Variants in MTMR12 observed in about 807,000 individuals in gnomAD.
The protein encoded by MTMR12 is myotubularin-related protein 12.
MTMR12 carries 33 observed loss-of-function variants against 96.7 expected under a neutral mutation model. The ratio of observed to expected loss-of-function variants is 0.34; its 90% CI spans 0.26 to 0.46. The LOEUF (loss-of-function observed/expected upper bound fraction) is 0.46, where lower values mean the gene tolerates loss of function less well. Among genes scored for constraint, MTMR12 ranks in the 20% least tolerant of loss-of-function variants. The pLI, the probability that MTMR12 is intolerant of heterozygous loss-of-function variation, is 1.00. For missense variants in MTMR12, 721 were observed against 896.1 expected (o/e 0.80, Z 2.49); for synonymous variants, 298 against 327.2 (o/e 0.91, Z 0.96).
chr5:32,246,431 G>C (rs1216630069), intron 10 of MTMR12, among the ~76,000 whole-genome samples: 2 of 152,134 alleles, frequency 1.3e-5, no homozygotes, highest in African/African-American at 4.8e-5. Context: ...CAAAGTGCTG[G>C]ATTACAGGCA....
chr5:32,228,381 T>C lies in MTMR12; in HGVS notation c.*1397A>G, dbSNP rs1747812213. The stretch of plus-strand genomic sequence containing the variant: ...TGGGATCCATACTGAAGAGCAAATA[T>C]ATGTAAAAGGCGAACATTCAATTTA... On this transcript the variant is annotated 3_prime_UTR_variant, in exon 16 of 16. Coordinates refer to ENST00000382142, the MANE Select transcript of MTMR12 (RefSeq NM_001040446.3). 1 of 151,898 alleles carries C rather than the reference T, an allele frequency of 6.6e-6. No individual in the cohort carries two copies. The highest frequency in any genetic ancestry group is 1.5e-5 in the Non-Finnish European group (1 of 68,002). 9.4% of individuals were successfully genotyped at this position (151,898 alleles called of 1,614,324 possible).
intron 13 of MTMR12, among the ~76,000 whole-genome samples, chr5:32,238,217 T>C (rs887499522): frequency 3.3e-5 from 5 of 151,760 alleles, no homozygotes; most frequent in Admixed American, 3.3e-4. Flanking sequence ...TAAAACTTTA[T>C]TTATTTTGAG....
At chr5:32,263,373 T>A in intron 6 of MTMR12, 131 bp from the exon 7 acceptor site, 13 of 1,074,394 alleles carry the variant, frequency 1.2e-5, no homozygotes, top group Non-Finnish European at 1.7e-5. Context: ...AATGAATTGA[T>A]TGCTTAATCC....
chr5:32,233,739 A>G lies in MTMR12; in HGVS notation c.1674+34T>C. 6.2e-7 allele frequency: 1 copy of G among 1,613,996 alleles called. No individual in the cohort carries two copies. The highest frequency in any genetic ancestry group is 8.5e-7 in the Non-Finnish European group (1 of 1,179,862). Reference sequence around the variant, plus strand: ...ATCATTACATGCACGGGGTCTGGGCAGCTGAAGGGGGTTTAGACATGTGGA... The same window carrying G: ...ATCATTACATGCACGGGGTCTGGGCGGCTGAAGGGGGTTTAGACATGTGGA... On this transcript the variant is annotated intron_variant, in intron 15 of 15. Coordinates refer to ENST00000382142, the MANE Select transcript of MTMR12 (RefSeq NM_001040446.3). The surrounding 1 kb of genome is among the most constrained non-coding windows in gnomAD (Gnocchi z 5.0).
At chr5:32,234,804 C>T in intron 14 of MTMR12, 158 bp downstream of exon 14, 1 of 604,388 alleles carries the variant, frequency 1.7e-6, no homozygotes, top group Non-Finnish European at 2.8e-6. Context: ...ATGTCATCCT[C>T]TCGCAGGGGC....
At chr5:32,278,748 T>C (rs1486335719) in intron 1 of MTMR12, among the ~76,000 whole-genome samples, 1 of 152,152 alleles carries the variant, frequency 6.6e-6, no homozygotes, top group Non-Finnish European at 1.5e-5. Context: ...AGAGGAACTA[T>C]TCCTGCATGT....
intron 1 of MTMR12, among the ~76,000 whole-genome samples, chr5:32,293,933 C>T (rs1750830434): frequency 6.6e-6 from 1 of 152,232 alleles, no homozygotes; most frequent in Admixed American, 6.5e-5. Context: ...ATCCAGCTGG[C>T]CACACCAGAA....
intron 7 of MTMR12, among the ~76,000 whole-genome samples, chr5:32,258,748 A>C (rs1210356926): frequency 6.6e-6 from 1 of 152,128 alleles, no homozygotes; most frequent in Non-Finnish European, 1.5e-5. Flanking sequence ...CAGTTGTTTA[A>C]ACCAGATCCT....
At position 32,233,908 on chromosome 5, in the gene MTMR12, G is replaced by C; in HGVS notation, c.1539C>G (p.Ser513Arg). 6.2e-7 allele frequency: 1 copy of C among 1,614,172 alleles called. No homozygotes were observed. ...ACACGGTGAGCAGATTCAAAGGCTTGCTTTGTGTATCCTGGCCTTCTCTAC... is the reference window on the plus strand; with the variant it reads ...ACACGGTGAGCAGATTCAAAGGCTTCCTTTGTGTATCCTGGCCTTCTCTAC... ...NMGREGQDTQ[S>R]KPLNLLTVWD... The change falls in exon 15 of 16, where the codon AGC (serine) becomes AGG (arginine). Residue 513 changes from serine to arginine, a missense_variant. By Grantham distance (110) the Ser-to-Arg change is moderately radical. Transcript: ENST00000382142. This position sits in a 1 kb window ranked among gnomAD's most constrained non-coding sequence, Gnocchi z 5.0.
intron 1 of MTMR12, among the ~76,000 whole-genome samples, chr5:32,305,069 A>G (rs1751303910): frequency 1.3e-5 from 2 of 152,236 alleles, no homozygotes; most frequent in South Asian, 2.1e-4. Flanking sequence ...AAATTAGTTG[A>G]GAATGGAGAA....
Position 32,276,266 on chromosome 5 carries a change from CACAAGTGGGTATGG to C in MTMR12, c.142+402_142+415del, listed in dbSNP as rs1456723728. The stretch of plus-strand genomic sequence containing the variant: ...CATCCCCAGTACACGTGCTCACATG[CACAAGTGGGTATGG>C]ACTGAGAGGTAAAGCCACCCACCAA... On this transcript the variant is annotated intron_variant, in intron 2 of 15. Transcript: ENST00000382142. Among the ~76,000 whole-genome samples the C allele has an allele frequency of 9.8e-5, 15 of 152,348 alleles. No homozygotes were observed. In the East Asian group the frequency reaches 2.9e-3, roughly 29 times the overall value.
intron 8 of MTMR12, 115 bp downstream of exon 8, chr5:32,255,578 G>A (rs1749103794): frequency 2.1e-6 from 2 of 960,420 alleles, no homozygotes; most frequent in South Asian, 1.8e-5. Flanking sequence ...TTTCTGGATT[G>A]TTCTTGGACT....
intron 12 of MTMR12, 112 bp downstream of exon 12, chr5:32,241,945 T>G: frequency 1.2e-6 from 1 of 853,136 alleles, no homozygotes; most frequent in Non-Finnish European, 1.8e-6. Flanking sequence ...ATAGGAAGGA[T>G]TTCTACACTA....
chr5:32,243,161 G>A (rs561577039), intron 11 of MTMR12, among the ~76,000 whole-genome samples: 1 of 152,296 alleles, frequency 6.6e-6, no homozygotes, highest in Non-Finnish European at 1.5e-5. Context: ...ATATGCGTAA[G>A]ACACAAGATT....
chr5:32,246,169 A>AGTTGTTTTTTTTTT (rs1554056235), intron 10 of MTMR12, among the ~76,000 whole-genome samples: 1,544 of 130,778 alleles, frequency 0.012, 15 homozygotes, highest in Middle Eastern at 0.031. Context: ...TTGAGTAGAC[A>AGTTGTTTTTTTTTT]GTTTTTTTTT....
intron 9 of MTMR12, among the ~76,000 whole-genome samples, chr5:32,248,454 T>G (rs570048573): frequency 3.0e-4 from 45 of 152,330 alleles, no homozygotes; most frequent in Non-Finnish European, 5.6e-4. Flanking sequence ...TTTGTTTAAT[T>G]TGAAACATGT....
intron 1 of MTMR12, among the ~76,000 whole-genome samples, chr5:32,306,141 A>G (rs1381426515): frequency 3.9e-5 from 6 of 152,280 alleles, no homozygotes; most frequent in Admixed American, 2.0e-4. Flanking sequence ...AGCATGTTTC[A>G]CTAGTAATAT....
intron 7 of MTMR12, among the ~76,000 whole-genome samples, chr5:32,258,052 A>G (rs773360781): frequency 1.4e-4 from 22 of 151,990 alleles, no homozygotes; most frequent in Non-Finnish European, 2.9e-4. Flanking sequence ...GCTTGAGCCC[A>G]GGGGGTAGAG....
At chr5:32,231,130 C>T (rs551908352) in intron 15 of MTMR12, among the ~76,000 whole-genome samples, 6 of 152,264 alleles carry the variant, frequency 3.9e-5, no homozygotes, top group Admixed American at 2.0e-4. Flanking sequence ...TAGCTCATGC[C>T]TGTAATCCTA....
Sources: allele counts gnomAD v4.1 joint callset (sites outside exome capture counted in the v4.1 genomes callset), GRCh38; gene constraint gnomAD v4.1.1; non-coding constraint Gnocchi (gnomAD v3.1); transcripts MANE v1.5; gene names NCBI Gene and HGNC (gene_info 2026-07-23, HGNC 2026-07-21).